CDH13: variants seen among roughly 807,000 people sequenced by gnomAD.
CDH13 encodes the protein cadherin 13.
In CDH13, 24 loss-of-function variants were observed where a neutral mutation model predicts 63.8. The observed-to-expected ratio is 0.38, with a 90% CI of 0.27 to 0.53. The LOEUF is 0.53. CDH13 is among the 20% of genes least tolerant of loss of function. The probability of loss-of-function intolerance (pLI) is 0.85; values close to 1 mark genes in which losing one functional copy is unlikely to be tolerated. For missense variants in CDH13, 1,049 were observed against 903.1 expected, an observed-to-expected ratio of 1.16 and a Z score of -2.07; for synonymous variants, 503 against 355.3, an observed-to-expected ratio of 1.42 and a Z score of -4.67.
At chr16:83,180,277 G>C (rs1288541303) in intron 4 of CDH13, among the ~76,000 whole-genome samples, 1 of 151,970 alleles carries the variant, frequency 6.6e-6, no homozygotes, top group Non-Finnish European at 1.5e-5. Flanking sequence ...TGCTATTGTA[G>C]TCTTTGGAGG....
intron 1 of CDH13, among the ~76,000 whole-genome samples, chr16:82,667,919 G>GA (rs1912793192): frequency 6.6e-6 from 1 of 152,130 alleles, no homozygotes; most frequent in Non-Finnish European, 1.5e-5. Flanking sequence ...GCCTAATACA[G>GA]TTTTTTAGAA....
intron 10 of CDH13, among the ~76,000 whole-genome samples, chr16:83,739,227 C>G (rs1369052685): frequency 1.3e-5 from 2 of 151,962 alleles, no homozygotes; most frequent in Admixed American, 6.5e-5. Context: ...TTTGCTAATG[C>G]CATGTGGAGG....
chr16:82,875,459 C>T (rs375337965), intron 2 of CDH13, among the ~76,000 whole-genome samples: 4 of 152,146 alleles, frequency 2.6e-5, no homozygotes, highest in African/African-American at 9.7e-5. Flanking sequence ...GACAAGGTCT[C>T]AGAAAGGACA....
At chr16:83,524,810 A>C (rs574908122) in intron 7 of CDH13, among the ~76,000 whole-genome samples, 37 of 152,204 alleles carry the variant, frequency 2.4e-4, no homozygotes, top group African/African-American at 7.2e-4. Context: ...AACCTGTAGC[A>C]CTGAGAGTGT....
intron 6 of CDH13, among the ~76,000 whole-genome samples, chr16:83,460,655 G>T (rs2151523481): frequency 6.6e-6 from 1 of 152,232 alleles, no homozygotes; most frequent in African/African-American, 2.4e-5. Context: ...TTTAGAAACA[G>T]ATAAGAAGTA....
chr16:82,782,530 C>T (rs1216104379), intron 1 of CDH13, among the ~76,000 whole-genome samples: 3 of 145,544 alleles, frequency 2.1e-5, no homozygotes, highest in Non-Finnish European at 3.0e-5. Context: ...CCAGCCTGGG[C>T]GACAGTGCCA....
intron 1 of CDH13, among the ~76,000 whole-genome samples, chr16:82,851,683 G>A (rs79711006): frequency 8.9e-4 from 19 of 21,306 alleles, no homozygotes; most frequent in Non-Finnish European, 1.6e-3. Flanking sequence ...GTACGTGTGT[G>A]TGTGTGTGTG....
intron 7 of CDH13, among the ~76,000 whole-genome samples, chr16:83,490,351 A>G (rs2073986167): frequency 6.6e-6 from 1 of 152,128 alleles, no homozygotes; most frequent in African/African-American, 2.4e-5. Flanking sequence ...CCTGCCTTTT[A>G]TAGATTCACT....
At chr16:83,200,021 C>G (rs1235004505) in intron 4 of CDH13, among the ~76,000 whole-genome samples, 1 of 152,174 alleles carries the variant, frequency 6.6e-6, no homozygotes, top group Admixed American at 6.6e-5. Flanking sequence ...CATGGGGAGA[C>G]AGTGGCTGGG....
chr16:83,101,659 T>A (rs1567830108), intron 3 of CDH13, among the ~76,000 whole-genome samples: 1 of 152,030 alleles, frequency 6.6e-6, no homozygotes, highest in Non-Finnish European at 1.5e-5. Flanking sequence ...CTGGGTGTCG[T>A]TTTGCATGCA....
intron 6 of CDH13, among the ~76,000 whole-genome samples, chr16:83,401,663 A>T (rs1244215288): frequency 3.3e-5 from 5 of 152,132 alleles, no homozygotes; most frequent in Non-Finnish European, 7.3e-5. Context: ...TATGGACAAA[A>T]AAAAGAGAAA....
intron 7 of CDH13, among the ~76,000 whole-genome samples, chr16:83,557,256 A>C (rs1452274399): frequency 6.6e-6 from 1 of 152,168 alleles, no homozygotes; most frequent in Non-Finnish European, 1.5e-5. Flanking sequence ...TTGAAGGAAA[A>C]CAAGCTCAGG....
Position 82,981,570 on chromosome 16 carries a change from C to G in CDH13, c.158-50440C>G, listed in dbSNP as rs572469161. ...TTCCCCTGCTGGTCCAGGCAAGGAG[C>G]CTGTTCCAGCATTTGGTTCTTTCTT... is the stretch of plus-strand genomic sequence containing the variant. On this transcript the variant is annotated intron_variant, in intron 2 of 13. Transcript: ENST00000567109. Among the ~76,000 whole-genome samples, 8 of 152,268 alleles carry G rather than the reference C, an allele frequency of 5.3e-5. No individual in the cohort carries two copies. The East Asian group carries it at 7.8e-4, about 15-fold the overall frequency.
At chr16:83,181,008 AC>A (rs2038333332) in intron 4 of CDH13, 3 of 1,524,122 alleles carry the variant, frequency 2.0e-6, no homozygotes, top group African/African-American at 1.4e-5. Flanking sequence ...TAAATCACAA[AC>A]ATTTTACTTC....
chr16:83,215,780 C>G (rs888638950), intron 4 of CDH13, among the ~76,000 whole-genome samples: 1 of 152,140 alleles, frequency 6.6e-6, no homozygotes, highest in African/African-American at 2.4e-5. Context: ...TTGGTGACAG[C>G]TAGATCTGTA....
intron 6 of CDH13, among the ~76,000 whole-genome samples, chr16:83,483,852 G>T (rs930619282): frequency 6.6e-6 from 1 of 152,176 alleles, no homozygotes; most frequent in Non-Finnish European, 1.5e-5. Flanking sequence ...GTGAGTGGCT[G>T]CCTAGACCAC....
chr16:83,788,748 C>G (rs185497702), intron 13 of CDH13, among the ~76,000 whole-genome samples: 1 of 152,170 alleles, frequency 6.6e-6, no homozygotes, highest in Non-Finnish European at 1.5e-5. Flanking sequence ...GCTTTATGTG[C>G]TCGTCTAAGG....
At chr16:82,636,916 A>C (rs533016846) in intron 1 of CDH13, among the ~76,000 whole-genome samples, 1 of 152,324 alleles carries the variant, frequency 6.6e-6, no homozygotes, top group Admixed American at 6.5e-5. Context: ...GCTCCAGCAC[A>C]CCATGGACCT....
rs570610206 is a variant in CDH13, at chr16:83,637,287, C to T, written c.1102-33503C>T. Among the ~76,000 whole-genome samples, 371 of 102,964 alleles carry T rather than the reference C, an allele frequency of 3.6e-3. 58 individuals are homozygous for T. Among genetic ancestry groups the T allele is most frequent in the African/African-American group, 0.016 (358 of 22,794 alleles). 67.5% of individuals were successfully genotyped at this position (102,964 alleles called of 152,430 possible). A position where few individuals can be genotyped will look rare whatever the true frequency, so the allele number is the denominator to read the frequency against. On this transcript the variant is annotated intron_variant, in intron 8 of 13. Transcript: ENST00000567109. ...CAAGATGGCCGAATAGGAACAGCTC[C>T]GGTCTACAGCTCCCAGCGTGAGCGC...
Sources: gnomAD v4.1 joint callset for allele counts (sites outside exome capture counted in the v4.1 genomes callset) on GRCh38, gnomAD v4.1.1 for gene constraint, MANE v1.5 for transcripts, NCBI Gene and HGNC (gene_info 2026-07-23, HGNC 2026-07-21) for gene names.